The following TRAPPC9 variants were observed in gnomAD, a reference collection of about 807,000 sequenced individuals.
TRAPPC9 encodes the protein trafficking protein particle complex subunit 9.
TRAPPC9 carries 83 observed loss-of-function variants against 124.0 expected under a neutral mutation model. That is an observed-to-expected ratio of 0.67 (90% CI 0.56 to 0.80). The LOEUF (loss-of-function observed/expected upper bound fraction) is 0.80. TRAPPC9 is among the 30% of genes least tolerant of loss of function. The pLI is 0.00. For missense variants in TRAPPC9, 1,302 were observed against 1,508.3 expected (o/e 0.86, Z 2.27); for synonymous variants, 638 against 617.5 (o/e 1.03, Z -0.49).
intron 19 of TRAPPC9, among the ~76,000 whole-genome samples, chr8:139,941,930 T>G (rs2665945): frequency 0.61 from 93,242 of 152,074 alleles, 30,058 homozygotes; most frequent in Middle Eastern, 0.79. Context: ...GGGAGGGTCC[T>G]GCAGATCGGT....
chr8:140,164,442 ATCCTTCT>A (rs983923249), intron 17 of TRAPPC9, among the ~76,000 whole-genome samples: 2 of 152,050 alleles, frequency 1.3e-5, no homozygotes, highest in Admixed American at 1.3e-4. Flanking sequence ...TCTGCCACCC[ATCCTTCT>A]TCCTTCTTCC....
intron 21 of TRAPPC9, among the ~76,000 whole-genome samples, chr8:139,831,088 G>A (rs1271568767): frequency 6.6e-6 from 1 of 152,216 alleles, no homozygotes; most frequent in East Asian, 1.9e-4. Context: ...AGACAGGAAG[G>A]AGCTCCCTGT....
chr8:139,845,943 G>A (rs1299117984), intron 21 of TRAPPC9, among the ~76,000 whole-genome samples: 1 of 152,240 alleles, frequency 6.6e-6, no homozygotes, highest in East Asian at 1.9e-4. Flanking sequence ...AGCGGTGGAG[G>A]AGACACTCTG....
intron 11 of TRAPPC9, among the ~76,000 whole-genome samples, chr8:140,299,813 T>C (rs568277237): frequency 3.9e-5 from 6 of 152,240 alleles, no homozygotes; most frequent in Admixed American, 6.5e-5. Context: ...TCAGGAGAGA[T>C]TGTCCACTCC....
intron 6 of TRAPPC9, among the ~76,000 whole-genome samples, chr8:140,398,457 A>G (rs1414701531): frequency 6.6e-6 from 1 of 152,212 alleles, no homozygotes; most frequent in Non-Finnish European, 1.5e-5. Flanking sequence ...GAAATGAACA[A>G]TGATATGGAC....
At chr8:140,199,713 T>C (rs1391519511) in intron 17 of TRAPPC9, among the ~76,000 whole-genome samples, 1 of 152,190 alleles carries the variant, frequency 6.6e-6, no homozygotes, top group East Asian at 1.9e-4. Context: ...TATCCACAGA[T>C]CTTCCATTTT....
At chr8:140,457,022 A>G (rs1564038858) in intron 1 of TRAPPC9, among the ~76,000 whole-genome samples, 1 of 152,204 alleles carries the variant, frequency 6.6e-6, no homozygotes, top group Non-Finnish European at 1.5e-5. Flanking sequence ...TGGAGTTGAC[A>G]GCGCGCTTAT....
At chr8:140,228,571 G>A (rs2063507296) in intron 16 of TRAPPC9, among the ~76,000 whole-genome samples, 1 of 152,236 alleles carries the variant, frequency 6.6e-6, no homozygotes, top group Non-Finnish European at 1.5e-5. Flanking sequence ...GCCTCACTTT[G>A]AGATTGGTCT....
chr8:140,296,903 G>A (rs2065819507), intron 11 of TRAPPC9, among the ~76,000 whole-genome samples: 1 of 152,248 alleles, frequency 6.6e-6, no homozygotes, highest in Non-Finnish European at 1.5e-5. Context: ...AGCAGCCAGA[G>A]ACTCTAGAAG....
chr8:139,731,333 G>C, intron 22 of TRAPPC9, 105 bp from the exon 23 acceptor site: 1 of 1,380,838 alleles, frequency 7.2e-7, no homozygotes, highest in South Asian at 1.2e-5. Context: ...TATGGGGGAA[G>C]CGAGGGCCGC....
At chr8:140,096,544 T>G (rs770419776) in intron 17 of TRAPPC9, 2 of 151,840 alleles carry the variant, frequency 1.3e-5, no homozygotes, top group Admixed American at 6.6e-5. Context: ...ATTTTAGAGA[T>G]AGAGAAACCA....
At chr8:139,943,269 G>A (rs1355200370) in intron 19 of TRAPPC9, among the ~76,000 whole-genome samples, 1 of 152,198 alleles carries the variant, frequency 6.6e-6, no homozygotes, top group African/African-American at 2.4e-5. Context: ...TCTTTGCCAT[G>A]TTGGCCAGGC....
At chr8:140,193,262 A>G (rs2062539071) in intron 17 of TRAPPC9, among the ~76,000 whole-genome samples, 1 of 152,206 alleles carries the variant, frequency 6.6e-6, no homozygotes, top group Admixed American at 6.5e-5. Context: ...TACTGGAGAT[A>G]TTGGCTATTT....
At chr8:140,426,771 ATTCT>A in intron 4 of TRAPPC9, 130 bp from the exon 5 acceptor site, 1 of 855,422 alleles carries the variant, frequency 1.2e-6, no homozygotes, top group Admixed American at 2.1e-5. Flanking sequence ...CAGAAAAGCA[ATTCT>A]GAGGAACAGT....
intron 21 of TRAPPC9, among the ~76,000 whole-genome samples, chr8:139,849,165 T>C (rs912885005): frequency 1.3e-5 from 2 of 152,308 alleles, no homozygotes; most frequent in African/African-American, 4.8e-5. Context: ...TCGTCTAGGA[T>C]ACCTGGAGAA....
intron 17 of TRAPPC9, among the ~76,000 whole-genome samples, chr8:140,151,701 G>A (rs1307550322): frequency 6.6e-6 from 1 of 152,164 alleles, no homozygotes; most frequent in Non-Finnish European, 1.5e-5. Flanking sequence ...CAGGAATGCG[G>A]TGGGAATGTC....
At chr8:140,319,990 G>A (rs1411127917) in intron 9 of TRAPPC9, among the ~76,000 whole-genome samples, 1 of 152,152 alleles carries the variant, frequency 6.6e-6, no homozygotes, top group Non-Finnish European at 1.5e-5. Flanking sequence ...ATGGTACTCT[G>A]AACAGGTAGA....
At chr8:140,194,347 C>CTATTTTATATATAACCCATGT (rs2062582795) in intron 17 of TRAPPC9, among the ~76,000 whole-genome samples, 2 of 152,022 alleles carry the variant, frequency 1.3e-5, no homozygotes, top group African/African-American at 4.8e-5. Context: ...TATAAAATAG[C>CTATTTTATATATAACCCATGT]ACATCTGTAT....
intron 17 of TRAPPC9, among the ~76,000 whole-genome samples, chr8:140,201,674 G>A (rs2131171451): frequency 6.6e-6 from 1 of 152,266 alleles, no homozygotes; most frequent in African/African-American, 2.4e-5. Flanking sequence ...TAAAAATACA[G>A]TCATACTCTG....
Sources: allele counts gnomAD v4.1 joint callset (sites outside exome capture counted in the v4.1 genomes callset), GRCh38; gene constraint gnomAD v4.1.1; transcripts MANE v1.5; gene names NCBI Gene and HGNC (gene_info 2026-07-23, HGNC 2026-07-21).